Variants in CDH2 observed in about 807,000 individuals in gnomAD.
CDH2 encodes cadherin 2, also known as cadherin-2.
Under a neutral mutation model 92.0 loss-of-function variants are expected in CDH2, and 17 were observed. The observed-to-expected ratio is 0.18, with a 90% CI of 0.13 to 0.28. The LOEUF (loss-of-function observed/expected upper bound fraction) is 0.28. Among genes scored for constraint, CDH2 ranks in the 10% least tolerant of loss-of-function variants. The pLI, the probability that CDH2 is intolerant of heterozygous loss-of-function variation, is 1.00. For synonymous variants in CDH2, 419 were observed against 415.9 expected (o/e 1.01, Z -0.09); for missense variants, 862 against 1,133.1 (o/e 0.76, Z 3.44).
chr18:28,020,712 T>A (rs997034545), intron 2 of CDH2, among the ~76,000 whole-genome samples: 2 of 152,066 alleles, frequency 1.3e-5, no homozygotes, highest in African/African-American at 4.8e-5. Context: ...GAAACTATTC[T>A]GTATGATGCT....
chr18:28,016,657 G>A (rs977288943), intron 2 of CDH2, among the ~76,000 whole-genome samples: 1 of 152,104 alleles, frequency 6.6e-6, no homozygotes, highest in Admixed American at 6.6e-5. Context: ...TATGCACATG[G>A]CTGTTTGATT....
intron 2 of CDH2, among the ~76,000 whole-genome samples, chr18:28,106,655 T>C (rs961102609): frequency 2.6e-5 from 4 of 152,186 alleles, no homozygotes; most frequent in Non-Finnish European, 5.9e-5. Flanking sequence ...TCAGCACTTC[T>C]GTCCCATTTA....
chr18:28,020,964 T>C (rs1360953716), intron 2 of CDH2, among the ~76,000 whole-genome samples: 1 of 151,982 alleles, frequency 6.6e-6, no homozygotes. Flanking sequence ...AAGTAAAGTT[T>C]ATTAAGTTGA....
At chr18:27,998,577 G>A (rs1042731360) in intron 7 of CDH2, among the ~76,000 whole-genome samples, 7 of 152,076 alleles carry the variant, frequency 4.6e-5, no homozygotes, top group Admixed American at 3.3e-4. Flanking sequence ...GTGGAAAGCC[G>A]GACTTCAAGT....
At chr18:27,992,005 T>C (rs2012431193) in intron 9 of CDH2, among the ~76,000 whole-genome samples, 1 of 152,234 alleles carries the variant, frequency 6.6e-6, no homozygotes, top group Non-Finnish European at 1.5e-5. Flanking sequence ...TGCAACTGTT[T>C]TGTTTGGTTC....
rs188560599 is a variant in CDH2, at chr18:28,094,590, C to G, written c.172+53083G>C. Among the ~76,000 whole-genome samples, 446 of 151,744 alleles carry G rather than the reference C, an allele frequency of 2.9e-3. 1 individual carries two copies. Among genetic ancestry groups the G allele is most frequent in the Non-Finnish European group, 4.9e-3 (336 of 67,900 alleles). Reference sequence around the variant, plus strand: ...CGGGCGGATCACAAGGTCAGGAGATCGAGACCATCCTGGCTAACATGGTGA... The same window carrying G: ...CGGGCGGATCACAAGGTCAGGAGATGGAGACCATCCTGGCTAACATGGTGA... On this transcript the variant is annotated intron_variant, in intron 2 of 15. Coordinates refer to ENST00000269141, the MANE Select transcript of CDH2 (RefSeq NM_001792.5).
intron 6 of CDH2, among the ~76,000 whole-genome samples, chr18:27,938,110 C>T (rs151234720): frequency 2.6e-5 from 4 of 151,982 alleles, no homozygotes; most frequent in Middle Eastern, 3.4e-3. Context: ...TGTGTGGCAC[C>T]GCCCCCATCT....
chr18:28,107,854 T>C (rs1157257189), intron 2 of CDH2, among the ~76,000 whole-genome samples: 1 of 152,128 alleles, frequency 6.6e-6, no homozygotes, highest in Non-Finnish European at 1.5e-5. Flanking sequence ...CTTTGTAGTC[T>C]AGCGGAAAAG....
At chr18:28,006,937 T>A (rs2012941688) in intron 5 of CDH2, among the ~76,000 whole-genome samples, 1 of 151,014 alleles carries the variant, frequency 6.6e-6, no homozygotes, top group Admixed American at 6.6e-5. Context: ...TTTGGGAGGC[T>A]GAAGCAGGTG....
At chr18:28,173,188 A>G (rs1426656332) in intron 1 of CDH2, among the ~76,000 whole-genome samples, 1 of 152,198 alleles carries the variant, frequency 6.6e-6, no homozygotes, top group Non-Finnish European at 1.5e-5. Flanking sequence ...TGATGAAAGT[A>G]TAAAAGTCAG....
At chr18:28,126,949 G>C (rs2144283636) in intron 2 of CDH2, among the ~76,000 whole-genome samples, 1 of 152,260 alleles carries the variant, frequency 6.6e-6, no homozygotes, top group African/African-American at 2.4e-5. Flanking sequence ...TGTGACCCTA[G>C]AATGTCCAGA....
intron 2 of CDH2, among the ~76,000 whole-genome samples, chr18:28,032,163 C>T (rs574488748): frequency 2.0e-5 from 3 of 152,288 alleles, no homozygotes; most frequent in Non-Finnish European, 4.4e-5. Context: ...CCCTCTCAAA[C>T]AGCGCTGGAA....
intron 2 of CDH2, among the ~76,000 whole-genome samples, chr18:28,113,907 G>A (rs570982911): frequency 1.3e-5 from 2 of 152,112 alleles, no homozygotes; most frequent in African/African-American, 2.4e-5. Context: ...TTTAAAAATC[G>A]TGAAGGAAAA....
intron 2 of CDH2, among the ~76,000 whole-genome samples, chr18:28,089,756 C>T (rs2015002610): frequency 6.6e-6 from 1 of 152,138 alleles, no homozygotes; most frequent in South Asian, 2.1e-4. Flanking sequence ...ATAATTAGTA[C>T]TCTTTACCAG....
At chr18:28,169,837 C>G (rs143950238) in intron 1 of CDH2, among the ~76,000 whole-genome samples, 149 of 152,294 alleles carry the variant, frequency 9.8e-4, no homozygotes, top group African/African-American at 3.5e-3. Context: ...TTGAAAAACC[C>G]AAGTTAAACT....
At chr18:28,092,719 A>G (rs913879380) in intron 2 of CDH2, among the ~76,000 whole-genome samples, 1 of 152,140 alleles carries the variant, frequency 6.6e-6, no homozygotes, top group Non-Finnish European at 1.5e-5. Context: ...GTATCAAATG[A>G]CATTACTATA....
At chr18:28,128,734 G>A (rs2015719141) in intron 2 of CDH2, among the ~76,000 whole-genome samples, 1 of 151,480 alleles carries the variant, frequency 6.6e-6, no homozygotes, top group African/African-American at 2.4e-5. Flanking sequence ...CTAAAGTTTT[G>A]TTTCAATGTG....
At chr18:27,982,455 AC>A (rs1338350196) in intron 14 of CDH2, among the ~76,000 whole-genome samples, 43 of 152,306 alleles carry the variant, frequency 2.8e-4, no homozygotes, top group African/African-American at 9.9e-4. Context: ...CAAATATTTC[AC>A]AAGAATGTAA....
downstream of CDH2, among the ~76,000 whole-genome samples, chr18:27,949,701 C>G (rs1345586266): frequency 6.6e-6 from 1 of 151,874 alleles, no homozygotes; most frequent in African/African-American, 2.4e-5. Context: ...GATCAACCAG[C>G]TAAACAGAAG....
Sources: gnomAD v4.1 joint callset for allele counts (sites outside exome capture counted in the v4.1 genomes callset) on GRCh38, gnomAD v4.1.1 for gene constraint, MANE v1.5 for transcripts, NCBI Gene and HGNC (gene_info 2026-07-23, HGNC 2026-07-21) for gene names.